GALNT9: variants seen among roughly 807,000 people sequenced by gnomAD.
GALNT9 encodes polypeptide N-acetylgalactosaminyltransferase 9.
GALNT9 carries 47 observed loss-of-function variants against 63.1 expected under a neutral mutation model. The observed-to-expected ratio is 0.75, with a 90% CI of 0.59 to 0.95. GALNT9 has a LOEUF of 0.95. Among genes scored for constraint, GALNT9 ranks in the 40% least tolerant of loss-of-function variants. The pLI is 0.00. For missense variants in GALNT9, 829 were observed against 874.8 expected (o/e 0.95, Z 0.66); for synonymous variants, 396 against 365.7 (o/e 1.08, Z -0.94).
chr12:132,239,333 CAG>C (rs1262470291), intron 6 of GALNT9, among the ~76,000 whole-genome samples: 3 of 58,778 alleles, frequency 5.1e-5, no homozygotes, highest in African/African-American at 1.0e-4. Context: ...GAGAGAGAGA[CAG>C]AGTCAGAGAC....
intron 6 of GALNT9, among the ~76,000 whole-genome samples, chr12:132,215,774 G>A (rs539722163): frequency 2.6e-4 from 39 of 152,150 alleles, no homozygotes; most frequent in Non-Finnish European, 4.3e-4. Context: ...GGGCAGCCTC[G>A]CATGGCCACA....
intron 2 of GALNT9, among the ~76,000 whole-genome samples, chr12:132,269,368 C>T (rs1057065102): frequency 9.2e-5 from 14 of 152,214 alleles, no homozygotes; most frequent in Admixed American, 1.3e-4. Flanking sequence ...CGAGCTTTTC[C>T]GAGGAGCGGG....
At chr12:132,239,533 G>GAGAGACAGAGTC (rs1878152516) in intron 6 of GALNT9, among the ~76,000 whole-genome samples, 1 of 151,464 alleles carries the variant, frequency 6.6e-6, no homozygotes, top group African/African-American at 2.4e-5. Context: ...CTGAGATACA[G>GAGAGACAGAGTC]AGAGACAGAG....
chr12:132,291,457 A>G (rs1555242744), intron 1 of GALNT9, among the ~76,000 whole-genome samples: 1 of 141,742 alleles, frequency 7.1e-6, no homozygotes, highest in African/African-American at 2.7e-5. Context: ...CACATCACCC[A>G]CATCCACAGC....
At chr12:132,309,112 C>T (rs1881723688) in intron 1 of GALNT9, among the ~76,000 whole-genome samples, 1 of 152,276 alleles carries the variant, frequency 6.6e-6, no homozygotes, top group Non-Finnish European at 1.5e-5. Context: ...CACCGGGCTG[C>T]AGGCGTGTCT....
intron 6 of GALNT9, among the ~76,000 whole-genome samples, chr12:132,230,037 G>A (rs1245449400): frequency 5.3e-5 from 8 of 152,156 alleles, no homozygotes; most frequent in African/African-American, 1.9e-4. Flanking sequence ...TTGAACCTGG[G>A]CAGGCGTGTG....
intron 4 of GALNT9, among the ~76,000 whole-genome samples, chr12:132,260,464 C>G (rs1235259733): frequency 2.6e-5 from 4 of 152,048 alleles, no homozygotes; most frequent in African/African-American, 7.3e-5. Flanking sequence ...CTTCCCACGC[C>G]CCTTGCACTA....
chr12:132,321,821 A>AC (rs1315847602), intron 1 of GALNT9, among the ~76,000 whole-genome samples: 5 of 151,574 alleles, frequency 3.3e-5, no homozygotes, highest in Non-Finnish European at 7.4e-5. Context: ...GAGCCCACAC[A>AC]CCTGTCCCCT....
At chr12:132,262,814 G>A (rs926210926) in intron 2 of GALNT9, among the ~76,000 whole-genome samples, 189 bp from the exon 3 acceptor site, 2 of 151,854 alleles carry the variant, frequency 1.3e-5, no homozygotes, top group African/African-American at 2.4e-5. Flanking sequence ...TGGTCAGGGC[G>A]CAGCATGAGG....
intron 6 of GALNT9, among the ~76,000 whole-genome samples, chr12:132,210,429 CTG>C (rs1380952152): frequency 6.6e-6 from 1 of 152,190 alleles, no homozygotes; most frequent in African/African-American, 2.4e-5. Flanking sequence ...CATCGTGAAA[CTG>C]TCATCTAGAG....
chr12:132,241,304 C>A (rs2136901191), intron 6 of GALNT9, among the ~76,000 whole-genome samples: 69 of 4,014 alleles, frequency 0.017, no homozygotes, highest in Non-Finnish European at 0.021. Flanking sequence ...CACAACACAC[C>A]CCCTTCCAGG....
At chr12:132,321,891 A>G (rs1868816747) in intron 1 of GALNT9, among the ~76,000 whole-genome samples, 1 of 151,078 alleles carries the variant, frequency 6.6e-6, no homozygotes, top group Non-Finnish European at 1.5e-5. Context: ...GCAGGGCCAC[A>G]CTCCCTCTGA....
chr12:132,241,041 C>A (rs1242445919), intron 6 of GALNT9, among the ~76,000 whole-genome samples: 8 of 139,318 alleles, frequency 5.7e-5, no homozygotes, highest in Admixed American at 2.1e-4. Flanking sequence ...CACACCCTTC[C>A]AGGGGCCCTC....
At chr12:132,233,028 G>C (rs1397500677) in intron 6 of GALNT9, among the ~76,000 whole-genome samples, 1 of 164 alleles carries the variant, frequency 6.1e-3, no homozygotes. Flanking sequence ...GGAGTCCCTA[G>C]TGCCACACAC....
intron 7 of GALNT9, among the ~76,000 whole-genome samples, chr12:132,202,201 G>T (rs913000690): frequency 2.0e-5 from 3 of 152,364 alleles, no homozygotes; most frequent in African/African-American, 7.2e-5. Context: ...GGACACGGAG[G>T]TGACAGGCAT....
chr12:132,259,811 G>A (rs1593089620), intron 4 of GALNT9, among the ~76,000 whole-genome samples: 1 of 152,258 alleles, frequency 6.6e-6, no homozygotes, highest in Admixed American at 6.5e-5. Flanking sequence ...AGTGACAACA[G>A]CCCATATTTC....
intron 2 of GALNT9, among the ~76,000 whole-genome samples, chr12:132,263,674 A>G (rs1202303800): frequency 2.6e-5 from 4 of 152,156 alleles, no homozygotes; most frequent in African/African-American, 9.7e-5. Flanking sequence ...TTTCTGTCCC[A>G]TTGACAGCTC....
rs544022138 is a variant in GALNT9, at chr12:132,316,174, C to T, written c.238+12792G>A. On this transcript the variant is annotated intron_variant, in intron 1 of 10. Coordinates refer to ENST00000328957, the MANE Select transcript of GALNT9 (RefSeq NM_001122636.2). This position sits in a 1 kb window ranked among gnomAD's most constrained non-coding sequence, Gnocchi z 4.3. The stretch of plus-strand genomic sequence containing the variant: ...TGGGAGGCGACCCCACAGACCCCAG[C>T]GTCCCAGTCCAGGCTCGGCTCTCCA... 3.3e-5 allele frequency among the ~76,000 whole-genome samples: 5 copies of T among 152,238 alleles called. No individual in the cohort carries two copies. The highest frequency in any genetic ancestry group is 7.2e-5 in the African/African-American group (3 of 41,554).
intron 5 of GALNT9, among the ~76,000 whole-genome samples, chr12:132,249,588 T>G (rs2135535885): frequency 6.6e-6 from 1 of 152,378 alleles, no homozygotes; most frequent in Middle Eastern, 3.4e-3. Context: ...TTATAGTTTA[T>G]CATATACAAC....
Sources: gnomAD v4.1 joint callset for allele counts (sites outside exome capture counted in the v4.1 genomes callset) on GRCh38, gnomAD v4.1.1 for gene constraint, Gnocchi (gnomAD v3.1) non-coding constraint, MANE v1.5 for transcripts, NCBI Gene and HGNC (gene_info 2026-07-23, HGNC 2026-07-21) for gene names.